PRR16: variants seen among roughly 807,000 people sequenced by gnomAD.
The protein encoded by PRR16 is protein Largen.
PRR16 carries 6 observed loss-of-function variants against 18.2 expected under a neutral mutation model. That is an observed-to-expected ratio of 0.33 (90% CI 0.18 to 0.65). The LOEUF is 0.65. PRR16 is among the 30% of genes least tolerant of loss of function. PRR16 has a pLI of 0.74. For missense variants in PRR16, 412 were observed against 376.6 expected (o/e 1.09, Z -0.78); for synonymous variants, 151 against 147.8 (o/e 1.02, Z -0.16).
At chr5:120,629,959 C>A (rs2112837307) in intron 1 of PRR16, among the ~76,000 whole-genome samples, 1 of 152,024 alleles carries the variant, frequency 6.6e-6, no homozygotes, top group African/African-American at 2.4e-5. Context: ...TGGTTGTTTT[C>A]AAGATCTTTT....
intron 1 of PRR16, among the ~76,000 whole-genome samples, chr5:120,499,215 C>T (rs1053508081): frequency 1.3e-5 from 2 of 151,682 alleles, no homozygotes; most frequent in South Asian, 2.1e-4. Context: ...GTTCCAGCGA[C>T]TCTCCTGTCT....
chr5:120,541,993 T>C (rs570637516), intron 1 of PRR16, among the ~76,000 whole-genome samples: 52 of 152,132 alleles, frequency 3.4e-4, no homozygotes, highest in Non-Finnish European at 6.0e-4. Context: ...ATATAGCTTC[T>C]TGATACTCCC....
At chr5:120,593,429 A>T (rs764680239) in intron 1 of PRR16, among the ~76,000 whole-genome samples, 1 of 151,986 alleles carries the variant, frequency 6.6e-6, no homozygotes, top group Non-Finnish European at 1.5e-5. Context: ...TAGACACCTA[A>T]CACCCTCCCA....
chr5:120,548,313 A>G (rs975048595), intron 1 of PRR16, among the ~76,000 whole-genome samples: 2 of 152,100 alleles, frequency 1.3e-5, no homozygotes, highest in African/African-American at 4.8e-5. Context: ...TAGATATGTC[A>G]ATGTTTTCTA....
the PRR16 span, among the ~76,000 whole-genome samples, chr5:120,725,205 T>A: frequency 6.6e-6 from 1 of 151,360 alleles, no homozygotes; most frequent in Non-Finnish European, 1.5e-5. Flanking sequence ...GAACTAGGAG[T>A]AGATAAGAGT....
At chr5:120,626,244 G>A (rs904425766) in intron 1 of PRR16, among the ~76,000 whole-genome samples, 1 of 152,010 alleles carries the variant, frequency 6.6e-6, no homozygotes, top group Non-Finnish European at 1.5e-5. Flanking sequence ...TAAAAAATAT[G>A]ATATACCTAT....
chr5:120,720,181 A>G, the PRR16 span, among the ~76,000 whole-genome samples: 3 of 151,970 alleles, frequency 2.0e-5, no homozygotes, highest in Non-Finnish European at 4.4e-5. Context: ...GCTAAATGGG[A>G]CGTCAGTCTC....
downstream of PRR16, among the ~76,000 whole-genome samples, chr5:120,690,245 C>T (rs1757193075): frequency 6.6e-6 from 1 of 152,132 alleles, no homozygotes; most frequent in Non-Finnish European, 1.5e-5. Flanking sequence ...CAGAGTCTAA[C>T]TATAGCTCTT....
intron 1 of PRR16, among the ~76,000 whole-genome samples, chr5:120,539,611 A>ATTTTTACC (rs1751843391): frequency 6.6e-6 from 1 of 152,076 alleles, no homozygotes; most frequent in Non-Finnish European, 1.5e-5. Context: ...AACCCCTGAG[A>ATTTTTACC]CATGCAATTT....
the PRR16 span, among the ~76,000 whole-genome samples, chr5:120,767,377 T>C: frequency 6.6e-6 from 1 of 152,032 alleles, no homozygotes; most frequent in Non-Finnish European, 1.5e-5. Context: ...TCTATGCTAA[T>C]TATACTCTCC....
the PRR16 span, among the ~76,000 whole-genome samples, chr5:120,748,462 A>G: frequency 6.6e-6 from 1 of 152,086 alleles, no homozygotes; most frequent in African/African-American, 2.4e-5. Flanking sequence ...ATATTTGGGG[A>G]CTTTAATAGC....
intron 1 of PRR16, among the ~76,000 whole-genome samples, chr5:120,577,072 A>G (rs573589534): frequency 1.3e-5 from 2 of 152,162 alleles, no homozygotes; most frequent in South Asian, 4.1e-4. Flanking sequence ...TTTTTTAAGC[A>G]TGGGTGAATT....
rs1389176533 is a variant in PRR16, at chr5:120,464,578, A to G, written c.92A>G (p.Lys31Arg). The G allele has an allele frequency of 6.3e-7, 1 of 1,587,534 alleles. No homozygotes were observed. Among genetic ancestry groups the G allele is most frequent in the Non-Finnish European group, 8.5e-7 (1 of 1,174,942 alleles). ...ASKTKVKEQI[K>R]IIVEDLELVL... ...AAAACCAAGGTGAAGGAACAGATCAAGATCATCGTGGAGGATTTGGAATTA... is the reference window on the plus strand; with the variant it reads ...AAAACCAAGGTGAAGGAACAGATCAGGATCATCGTGGAGGATTTGGAATTA... The change falls in exon 1 of 2, where the codon AAG (lysine) becomes AGG (arginine). Residue 31 changes from lysine (K) to arginine (R), a missense_variant. Physicochemically the swap from Lys to Arg is conservative, Grantham distance 26. Transcript: ENST00000407149.
At chr5:120,732,511 A>T in the PRR16 span, among the ~76,000 whole-genome samples, 1 of 152,212 alleles carries the variant, frequency 6.6e-6, no homozygotes, top group Non-Finnish European at 1.5e-5. Context: ...TCAAGGCTGC[A>T]ACTGCAAGTG....
At chr5:120,703,065 C>A in the PRR16 span, among the ~76,000 whole-genome samples, 4 of 151,606 alleles carry the variant, frequency 2.6e-5, no homozygotes, top group Non-Finnish European at 5.9e-5. Context: ...AGAGAGTCAG[C>A]GAAGGGAGAT....
chr5:120,729,316 T>C, the PRR16 span, among the ~76,000 whole-genome samples: 1 of 152,170 alleles, frequency 6.6e-6, no homozygotes, highest in African/African-American at 2.4e-5. Flanking sequence ...TGTGTGGCCA[T>C]AGGTAAATTC....
the PRR16 span, among the ~76,000 whole-genome samples, chr5:120,719,150 A>C: frequency 2.0e-5 from 3 of 148,396 alleles, no homozygotes; most frequent in Non-Finnish European, 2.9e-5. Flanking sequence ...GTAAAATATC[A>C]TTGTTATATA....
intron 1 of PRR16, among the ~76,000 whole-genome samples, chr5:120,522,569 A>G (rs962827517): frequency 3.6e-4 from 55 of 152,234 alleles, no homozygotes; most frequent in Non-Finnish European, 5.9e-5. Context: ...GATTCTGGAT[A>G]TTAGCCCTTT....
At chr5:120,715,863 A>T in the PRR16 span, among the ~76,000 whole-genome samples, 1 of 152,160 alleles carries the variant, frequency 6.6e-6, no homozygotes, top group South Asian at 2.1e-4. Flanking sequence ...TGCTTTGCTC[A>T]CATAGGCCTT....
Sources: allele counts gnomAD v4.1 joint callset (sites outside exome capture counted in the v4.1 genomes callset), GRCh38; gene constraint gnomAD v4.1.1; transcripts MANE v1.5; gene names NCBI Gene and HGNC (gene_info 2026-07-23, HGNC 2026-07-21).